Variants in MAGI2 observed in about 807,000 individuals in gnomAD.
The protein encoded by MAGI2 is membrane associated guanylate kinase, WW and PDZ domain containing 2, also known as membrane-associated guanylate kinase, WW and PDZ domain-containing protein 2.
In MAGI2, 35 loss-of-function variants were observed where a neutral mutation model predicts 133.3. That is an observed-to-expected ratio of 0.26 (90% CI 0.20 to 0.35). MAGI2 has a LOEUF of 0.35. Among genes scored for constraint, MAGI2 ranks in the 10% least tolerant of loss-of-function variants. MAGI2 has a pLI of 1.00. For missense variants in MAGI2, 1,636 were observed against 1,863.4 expected (o/e 0.88, Z 2.25); for synonymous variants, 729 against 710.6 (o/e 1.03, Z -0.41).
rs367728110 is a variant in MAGI2 at position 78,547,495 on chromosome 7, T to TATTC, written c.539-25854_539-25851dup. On this transcript the variant is annotated intron_variant, in intron 3 of 21. Transcript: ENST00000354212. ...TAAATGGTTATTTGACAACAATTTG[T>TATTC]ATTCATTCATTCATTCTTCATTCAT... Among the ~76,000 whole-genome samples, 991 of 152,374 alleles carry TATTC rather than the reference T, an allele frequency of 6.5e-3. 3 individuals are homozygous for TATTC. The highest frequency in any genetic ancestry group is 0.019 in the South Asian group (93 of 4,832).
intron 2 of MAGI2, among the ~76,000 whole-genome samples, chr7:78,819,600 A>C (rs1789909486): frequency 6.6e-6 from 1 of 152,040 alleles, no homozygotes; most frequent in Admixed American, 6.6e-5. Context: ...TGTCTGTATT[A>C]GAGAGAGACA....
At chr7:78,765,121 C>T (rs1824880292) in intron 2 of MAGI2, among the ~76,000 whole-genome samples, 1 of 152,102 alleles carries the variant, frequency 6.6e-6, no homozygotes, top group African/African-American at 2.4e-5. Context: ...ATTGTAATAG[C>T]AAGCACTCAA....
chr7:78,502,265 A>G (rs1794693096), intron 4 of MAGI2, among the ~76,000 whole-genome samples: 2 of 152,222 alleles, frequency 1.3e-5, no homozygotes, highest in South Asian at 4.1e-4. Flanking sequence ...GTCAGCAGAA[A>G]AGAAGGGTAA....
chr7:78,698,682 G>T (rs1198813292), intron 2 of MAGI2, among the ~76,000 whole-genome samples: 2 of 152,200 alleles, frequency 1.3e-5, no homozygotes, highest in Non-Finnish European at 2.9e-5. Flanking sequence ...TCACAGTTCA[G>T]CATGGCTTGG....
Position 78,748,886 on chromosome 7 carries a change from C to A in MAGI2, c.419-121647G>T, listed in dbSNP as rs1585280512. ...TTTTGCATAATTCAAGAATCTTGTT[C>A]ATATATTTCTTTAGAAAGTTCTGTG... On this transcript the variant is annotated intron_variant, in intron 2 of 21. Coordinates refer to ENST00000354212, the MANE Select transcript of MAGI2 (RefSeq NM_012301.4). 2.6e-5 allele frequency among the ~76,000 whole-genome samples: 4 copies of A among 152,090 alleles called. No homozygotes were observed. In the East Asian group the frequency reaches 7.7e-4, roughly 29 times the overall value.
chr7:78,803,237 AAAG>A lies in MAGI2; in HGVS notation c.419-176001_419-175999del, dbSNP rs761528514. Among the ~76,000 whole-genome samples the A allele has an allele frequency of 1.0e-3, 159 of 152,322 alleles. 3 individuals carry two copies. Among genetic ancestry groups the A allele is most frequent in the Admixed American group, 1.6e-3 (25 of 15,306 alleles). On this transcript the variant is annotated intron_variant, in intron 2 of 21. Transcript: ENST00000354212. Reference sequence around the variant, plus strand: ...CAGGAATTCTACATATGTTCTACATAAAGTGTTAACTGCTAATAAGAGCAAGTC... The same window carrying A: ...CAGGAATTCTACATATGTTCTACATATGTTAACTGCTAATAAGAGCAAGTC...
intron 1 of MAGI2, among the ~76,000 whole-genome samples, chr7:79,211,303 G>C (rs143389037): frequency 1.3e-4 from 20 of 151,872 alleles, no homozygotes; most frequent in African/African-American, 4.6e-4. Flanking sequence ...TTAAGACAGG[G>C]TCTTGTTCTG....
chr7:79,229,230 T>G (rs1025095644), intron 1 of MAGI2, among the ~76,000 whole-genome samples: 1 of 152,210 alleles, frequency 6.6e-6, no homozygotes, highest in African/African-American at 2.4e-5. Flanking sequence ...CTCTGCTGCT[T>G]GCTTCTGACG....
At chr7:78,583,496 T>TAAAAATAA (rs1371566053) in intron 3 of MAGI2, 1 of 154,238 alleles carries the variant, frequency 6.5e-6, no homozygotes. Flanking sequence ...AGACTCCGTC[T>TAAAAATAA]AAAAATAAAA....
intron 2 of MAGI2, among the ~76,000 whole-genome samples, chr7:78,897,023 A>T: frequency 6.6e-6 from 1 of 152,194 alleles, no homozygotes; most frequent in Non-Finnish European, 1.5e-5. Flanking sequence ...ATATTTTATA[A>T]ATGGCCGTTG....
chr7:79,361,163 C>T (rs1180528160), intron 1 of MAGI2, among the ~76,000 whole-genome samples: 1 of 152,142 alleles, frequency 6.6e-6, no homozygotes, highest in East Asian at 1.9e-4. Context: ...ACTAGGAAGA[C>T]TTAATGATTT....
chr7:78,941,505 T>A (rs532866166), intron 2 of MAGI2, among the ~76,000 whole-genome samples: 2 of 152,158 alleles, frequency 1.3e-5, no homozygotes, highest in East Asian at 3.9e-4. Flanking sequence ...CTGACTAATT[T>A]TTGTATTTTT....
chr7:78,136,543 G>C (rs544066662), intron 16 of MAGI2, among the ~76,000 whole-genome samples: 1 of 152,234 alleles, frequency 6.6e-6, no homozygotes, highest in African/African-American at 2.4e-5. Flanking sequence ...CTATTTATGG[G>C]GTGGACATCA....
chr7:78,860,033 G>A (rs1264416284), intron 2 of MAGI2, among the ~76,000 whole-genome samples: 1 of 152,088 alleles, frequency 6.6e-6, no homozygotes, highest in African/African-American at 2.4e-5. Flanking sequence ...GATCAAATCA[G>A]CTACTGAAGC....
intron 2 of MAGI2, among the ~76,000 whole-genome samples, chr7:78,653,327 T>C (rs992223251): frequency 2.6e-5 from 4 of 152,098 alleles, no homozygotes; most frequent in African/African-American, 9.7e-5. Context: ...TATAAAGATA[T>C]ATGCACATGT....
intron 7 of MAGI2, among the ~76,000 whole-genome samples, chr7:78,365,886 A>C (rs1399112298): frequency 9.2e-5 from 14 of 152,192 alleles, no homozygotes; most frequent in Admixed American, 7.9e-4. Flanking sequence ...TGTTTATGCA[A>C]CTGTGCTAGA....
chr7:78,767,944 G>A (rs542891283), intron 2 of MAGI2, among the ~76,000 whole-genome samples: 45 of 152,254 alleles, frequency 3.0e-4, no homozygotes, highest in African/African-American at 9.9e-4. Flanking sequence ...ATCTCACTGC[G>A]AAAATTTTGT....
intron 2 of MAGI2, among the ~76,000 whole-genome samples, chr7:78,933,082 G>C (rs1189061670): frequency 4.6e-5 from 7 of 152,094 alleles, no homozygotes; most frequent in African/African-American, 1.7e-4. Flanking sequence ...ATCAAAAAGG[G>C]ATATGTTTTT....
At chr7:78,674,090 C>T (rs944291652) in intron 2 of MAGI2, among the ~76,000 whole-genome samples, 6 of 152,078 alleles carry the variant, frequency 3.9e-5, no homozygotes, top group African/African-American at 1.4e-4. Context: ...TGATGTTGAG[C>T]AGTCAACAAT....
Sources: gnomAD v4.1 joint callset for allele counts (sites outside exome capture counted in the v4.1 genomes callset) on GRCh38, gnomAD v4.1.1 for gene constraint, MANE v1.5 for transcripts, NCBI Gene and HGNC (gene_info 2026-07-23, HGNC 2026-07-21) for gene names.